Variants in GTF3C1 observed in about 807,000 individuals in gnomAD.
GTF3C1 encodes the protein general transcription factor 3C polypeptide 1.
In GTF3C1, 57 loss-of-function variants were observed where a neutral mutation model predicts 226.7. The observed-to-expected ratio is 0.25, with a 90% CI of 0.20 to 0.31. The LOEUF (loss-of-function observed/expected upper bound fraction) is 0.31, where lower values mean the gene tolerates loss of function less well. Ranked by LOEUF, GTF3C1 falls within the 10% of genes least tolerant of loss-of-function variation. GTF3C1 has a pLI of 1.00. For missense variants in GTF3C1, 2,217 were observed against 2,776.1 expected (o/e 0.80, Z 4.53); for synonymous variants, 1,090 against 1,084.8 (o/e 1.00, Z -0.09).
At chr16:27,486,244 G>T in intron 23 of GTF3C1, 90 bp from the exon 24 acceptor site, 1 of 695,562 alleles carries the variant, frequency 1.4e-6, no homozygotes. Flanking sequence ...TACCCAGCCA[G>T]TGAGATGTGA....
chr16:27,481,859 G>T (rs755796038), intron 26 of GTF3C1, among the ~76,000 whole-genome samples: 2 of 152,138 alleles, frequency 1.3e-5, no homozygotes, highest in African/African-American at 2.4e-5. Context: ...GCCCAGTGCT[G>T]ACACCTTTAC....
chr16:27,479,873 G>C (rs1185815586), intron 27 of GTF3C1, among the ~76,000 whole-genome samples: 3 of 152,074 alleles, frequency 2.0e-5, no homozygotes, highest in African/African-American at 7.2e-5. Context: ...ATGGTTCATG[G>C]GCTCTCCTTT....
intron 5 of GTF3C1, among the ~76,000 whole-genome samples, chr16:27,532,630 G>A (rs561697711): frequency 1.6e-4 from 25 of 152,136 alleles, no homozygotes; most frequent in Admixed American, 6.5e-4. Flanking sequence ...TCCTCCCTGC[G>A]TCCTCTCCCC....
chr16:27,498,870 C>A (rs1472491643), intron 12 of GTF3C1, 137 bp from the exon 13 acceptor site: 2 of 640,608 alleles, frequency 3.1e-6, no homozygotes, highest in Non-Finnish European at 5.6e-6. Flanking sequence ...GAGATCGAAA[C>A]AAAATTTGTT....
chr16:27,461,729 G>A lies in GTF3C1; in HGVS notation c.6118-167C>T, dbSNP rs1245117612. On this transcript the variant is annotated intron_variant, in intron 36 of 36. Coordinates refer to ENST00000356183, the MANE Select transcript of GTF3C1 (RefSeq NM_001520.4). This position sits in a 1 kb window ranked among gnomAD's most constrained non-coding sequence, Gnocchi z 5.3. ...GATGGGGATGTACCAGGAGGGTTCA[G>A]GCAAAGGCCCTGGTGGGAGAGGCAG... 2.0e-5 allele frequency: 12 copies of A among 613,776 alleles called. No individual in the cohort carries two copies. The highest frequency in any genetic ancestry group is 1.9e-4 in the East Asian group (7 of 36,378). The allele number at this position is 613,776 out of a possible 1,614,324, so 38.0% of individuals were successfully genotyped here.
chr16:27,482,295 C>T (rs2088063699), intron 26 of GTF3C1, among the ~76,000 whole-genome samples: 1 of 152,148 alleles, frequency 6.6e-6, no homozygotes, highest in African/African-American at 2.4e-5. Flanking sequence ...GACATCTCTG[C>T]TCCCCTGCAC....
At chr16:27,515,838 C>T (rs1306662368) in intron 6 of GTF3C1, among the ~76,000 whole-genome samples, 2 of 152,188 alleles carry the variant, frequency 1.3e-5, no homozygotes, top group Non-Finnish European at 2.9e-5. Context: ...ACATGACCAC[C>T]CAGCACTTGC....
intron 17 of GTF3C1, 139 bp downstream of exon 17, chr16:27,493,060 T>A: frequency 1.6e-6 from 1 of 610,124 alleles, no homozygotes. Flanking sequence ...TTAATATTAA[T>A]AACTTAATAA....
chr16:27,539,985 C>A (rs1308463132), intron 2 of GTF3C1, among the ~76,000 whole-genome samples: 1 of 152,146 alleles, frequency 6.6e-6, no homozygotes, highest in African/African-American at 2.4e-5. Context: ...GGTCCACATA[C>A]AAAAGCTCAC....
rs140459536 is a variant in GTF3C1 at position 27,505,957 on chromosome 16, G to A, written c.1712C>T (p.Ala571Val). 2.1e-4 allele frequency: 339 copies of A among 1,612,476 alleles called. No individual in the cohort carries two copies. Among genetic ancestry groups the A allele is most frequent in the Non-Finnish European group, 2.7e-4 (313 of 1,178,584 alleles). Residue 571 changes from alanine (A) to valine (V), a missense_variant, in exon 10 of 37, where the codon GCG (alanine) becomes GTG (valine). Ala to Val is a moderately conservative substitution (Grantham distance 64). Coordinates refer to ENST00000356183, the MANE Select transcript of GTF3C1 (RefSeq NM_001520.4). Reference protein sequence around the residue: ...EPNVSFVSHCADSNSGDIAVI... With the variant: ...EPNVSFVSHCVDSNSGDIAVI... ...AGCTATGTCACCACTGTTGCTGTCC[G>A]CACAGTGGGAGACAAAGGACACGTT... is the stretch of plus-strand genomic sequence containing the variant.
Position 27,469,642 on chromosome 16 carries a change from G to A in GTF3C1, c.4815-92C>T. ...TCCCTCAAGAGGCCTCTGTGGCTGG[G>A]CTTCAGCAGTGGCCCCAGCAACTGG... is the stretch of plus-strand genomic sequence containing the variant. On this transcript the variant is annotated intron_variant, in intron 31 of 36. Transcript: ENST00000356183. The surrounding 1 kb of genome is among the most constrained non-coding windows in gnomAD (Gnocchi z 4.5). The A allele has an allele frequency of 7.0e-7, 1 of 1,422,830 alleles. No homozygotes were observed. Among genetic ancestry groups the A allele is most frequent in the African/African-American group, 1.4e-5 (1 of 70,904 alleles). 88.1% of individuals were successfully genotyped at this position (1,422,830 alleles called of 1,614,324 possible).
chr16:27,510,961 C>G (rs567177649), intron 7 of GTF3C1, among the ~76,000 whole-genome samples: 2 of 152,192 alleles, frequency 1.3e-5, no homozygotes, highest in African/African-American at 2.4e-5. Context: ...ATGCACCAGG[C>G]CCTATAGCAG....
chr16:27,483,200 A>G (rs2088083824), intron 25 of GTF3C1, 75 bp from the exon 26 acceptor site: 3 of 1,426,874 alleles, frequency 2.1e-6, no homozygotes, highest in African/African-American at 2.8e-5. Flanking sequence ...AGAGAGCTCC[A>G]TTCTCATGTT....
chr16:27,478,502 T>C lies in GTF3C1; in HGVS notation c.4226A>G (p.Lys1409Arg), dbSNP rs1161980407. ...RYRVLAIGDE[K>R]DQTRKEDELN... ...TTCATCCTCTTTCCTGGTTTGATCT[T>C]TTTCATCCCCAATTGCCAAAACTCG... Residue 1409 changes from lysine to arginine, a missense_variant, in exon 28 of 37, where the codon AAA (lysine) becomes AGA (arginine). Around this residue, in one of 12 missense-constraint regions of GTF3C1, gnomAD observed 546 missense variants for 663.0 expected, o/e 0.82. Coordinates refer to ENST00000356183, the MANE Select transcript of GTF3C1 (RefSeq NM_001520.4). The C allele has an allele frequency of 3.1e-6, 5 of 1,612,352 alleles. No individual in the cohort carries two copies. Among genetic ancestry groups the C allele is most frequent in the Non-Finnish European group, 4.2e-6 (5 of 1,178,528 alleles).
Position 27,463,532 on chromosome 16 carries a change from C to T in GTF3C1, c.5924+9G>A, listed in dbSNP as rs1359928737. On this transcript the variant is annotated intron_variant, in intron 35 of 36. Coordinates refer to ENST00000356183, the MANE Select transcript of GTF3C1 (RefSeq NM_001520.4). This position sits in a 1 kb window ranked among gnomAD's most constrained non-coding sequence, Gnocchi z 4.9. The stretch of plus-strand genomic sequence containing the variant: ...GCCCCAGGCCCCGGAGCCAGAACCC[C>T]ACACCCACCTTTCCCGTGCTGCCTG... 1.3e-5 allele frequency: 21 copies of T among 1,559,992 alleles called. No individual in the cohort carries two copies. The highest frequency in any genetic ancestry group is 2.7e-5 in the African/African-American group (2 of 73,944).
At chr16:27,479,858 T>C (rs1305460593) in intron 27 of GTF3C1, among the ~76,000 whole-genome samples, 2 of 152,184 alleles carry the variant, frequency 1.3e-5, no homozygotes, top group Admixed American at 6.5e-5. Flanking sequence ...TTTTCTTCTC[T>C]CTAAATGGTT....
intron 7 of GTF3C1, among the ~76,000 whole-genome samples, chr16:27,510,744 C>T (rs1210047166): frequency 6.6e-6 from 1 of 152,168 alleles, no homozygotes. Flanking sequence ...CCTGAGGCCA[C>T]ACCGCCTGTG....
In GTF3C1 at chr16:27,549,671, G is replaced by A; in HGVS notation, c.220C>T (p.Arg74Trp). The A allele has an allele frequency of 2.0e-6, 2 of 992,754 alleles. No individual in the cohort carries two copies. The highest frequency in any genetic ancestry group is 2.8e-6 in the Non-Finnish European group (2 of 711,934). 61.5% of individuals were successfully genotyped at this position (992,754 alleles called of 1,614,324 possible). A position where few individuals can be genotyped will look rare whatever the true frequency, so the allele number is the denominator to read the frequency against. ...CGCCAGGCCAGGCCGCCCGCTGACC[G>A]GTCCTGGAGCTGTAGGTCGGGTCGC... Reference protein sequence around the residue: ...RERPDLQLQDRYEEIDLETGI... With the variant: ...RERPDLQLQDWYEEIDLETGI... The change falls in exon 1 of 37, where the codon CGG becomes TGG. Residue 74 changes from arginine (R) to tryptophan (W), a missense_variant and splice_region_variant. Arg to Trp is a moderately radical substitution (Grantham distance 101, BLOSUM62 -3). This residue lies in a region of GTF3C1 where 192 missense variants were observed against 251.8 expected (regional missense o/e 0.76). Transcript: ENST00000356183.
intron 32 of GTF3C1, among the ~76,000 whole-genome samples, chr16:27,467,913 A>G (rs2087808422): frequency 6.6e-6 from 1 of 152,108 alleles, no homozygotes; most frequent in Non-Finnish European, 1.5e-5. Context: ...AGCTATAGCT[A>G]TTATAGTGAT....
Sources: allele counts gnomAD v4.1 joint callset (sites outside exome capture counted in the v4.1 genomes callset), GRCh38; gene constraint gnomAD v4.1.1; regional missense constraint gnomAD v4.1.1; non-coding constraint Gnocchi (gnomAD v3.1); transcripts MANE v1.5; gene names NCBI Gene and HGNC (gene_info 2026-07-23, HGNC 2026-07-21).